Variants in RAB27A observed in about 807,000 individuals in gnomAD.
RAB27A encodes ras-related protein Rab-27A.
Under a neutral mutation model 20.8 loss-of-function variants are expected in RAB27A, and 17 were observed. The ratio of observed to expected loss-of-function variants is 0.82; its 90% CI spans 0.56 to 1.23. The LOEUF (loss-of-function observed/expected upper bound fraction) is 1.23. Ranked by LOEUF, RAB27A falls within the 50% of genes most tolerant of loss-of-function variation. The pLI is 0.00. For missense variants in RAB27A, 277 were observed against 266.7 expected (o/e 1.04, Z -0.27); for synonymous variants, 85 against 92.8 (o/e 0.92, Z 0.48).
At chr15:55,246,541 C>A (rs554790517) in intron 2 of RAB27A, among the ~76,000 whole-genome samples, 1 of 151,280 alleles carries the variant, frequency 6.6e-6, no homozygotes, top group Non-Finnish European at 1.5e-5. Context: ...AGTAAATTCA[C>A]CAAAACACTG....
chr15:55,282,749 A>C (rs892886324), intron 1 of RAB27A, among the ~76,000 whole-genome samples: 5 of 152,072 alleles, frequency 3.3e-5, no homozygotes, highest in Admixed American at 1.3e-4. Context: ...CAGGCACTGA[A>C]GACCAGCCTC....
At chr15:55,243,034 T>C (rs964097012) in intron 2 of RAB27A, among the ~76,000 whole-genome samples, 3 of 152,234 alleles carry the variant, frequency 2.0e-5, no homozygotes, top group Admixed American at 1.3e-4. Flanking sequence ...ATAAAATGCT[T>C]TATAATTAAG....
At chr15:55,228,574 T>C (rs1476838029) in intron 5 of RAB27A, 35 bp downstream of exon 5, 1 of 1,443,158 alleles carries the variant, frequency 6.9e-7, no homozygotes, top group South Asian at 1.1e-5. Context: ...AAGAGGGGAC[T>C]GTGTAGCAGG....
At chr15:55,308,010 G>A (rs1041415351) in intron 2 of RAB27A, among the ~76,000 whole-genome samples, 1 of 152,092 alleles carries the variant, frequency 6.6e-6, no homozygotes, top group East Asian at 1.9e-4. Context: ...ATCCTGAGGG[G>A]AGGAAACTAT....
In RAB27A at chr15:55,318,448, T is replaced by C. The variant is rs1016944617; in HGVS notation, c.-234+483A>G. On this transcript the variant is annotated intron_variant, in intron 1 of 5. Coordinates refer to the RAB27A transcript ENST00000563262. Reference sequence around the variant, plus strand: ...GGCCGCACGCGGTGGCTCACGCCTGTAATCCCAACACTTTGGGAGGCCGAG... The same window carrying C: ...GGCCGCACGCGGTGGCTCACGCCTGCAATCCCAACACTTTGGGAGGCCGAG... Among the ~76,000 whole-genome samples, 36 of 144,698 alleles carry C rather than the reference T, an allele frequency of 2.5e-4. 1 individual carries two copies. The highest frequency in any genetic ancestry group is 8.7e-4 in the African/African-American group (35 of 40,234). The allele number at this position is 144,698 out of a possible 152,430, so 94.9% of individuals were successfully genotyped here. A position where few individuals can be genotyped will look rare whatever the true frequency, so the allele number is the denominator to read the frequency against.
At chr15:55,302,481 C>G (rs2054976594) in intron 2 of RAB27A, among the ~76,000 whole-genome samples, 1 of 152,142 alleles carries the variant, frequency 6.6e-6, no homozygotes, top group Non-Finnish European at 1.5e-5. Context: ...ATGGCAGCCT[C>G]TGCCCGGCCG....
intron 1 of RAB27A, chr15:55,289,424 T>A (rs998185119): frequency 6.6e-6 from 1 of 152,286 alleles, no homozygotes; most frequent in Non-Finnish European, 1.5e-5. Context: ...CCTGGAAAGT[T>A]TCCTACCCCT....
intron 2 of RAB27A, among the ~76,000 whole-genome samples, chr15:55,261,583 A>G (rs1272904252): frequency 6.7e-6 from 1 of 148,956 alleles, no homozygotes; most frequent in African/African-American, 2.5e-5. Context: ...CCAAAAAAAA[A>G]AAAAAAAGTT....
chr15:55,215,115 GC>G (rs780377515), intron 6 of RAB27A, among the ~76,000 whole-genome samples: 34 of 152,190 alleles, frequency 2.2e-4, no homozygotes, highest in Non-Finnish European at 3.5e-4. Flanking sequence ...TGAACAGTAA[GC>G]TTTTTTAAAA....
chr15:55,299,722 A>G (rs951527540), intron 2 of RAB27A, among the ~76,000 whole-genome samples: 9 of 152,214 alleles, frequency 5.9e-5, no homozygotes, highest in Admixed American at 5.2e-4. Flanking sequence ...CCAGAAAAAA[A>G]CAAGTTTATC....
rs191318471 is a variant in RAB27A at position 55,277,409 on chromosome 15, G to A, written c.-142-7125C>T. On this transcript the variant is annotated intron_variant, in intron 1 of 6. Transcript: ENST00000336787. ...TGTAATCCCAGAACTTTGGGAGGCA[G>A]AGGCGGGCAGGTCACTTGAGGCCAG... 2.6e-5 allele frequency among the ~76,000 whole-genome samples: 4 copies of A among 152,306 alleles called. No homozygotes were observed. In the East Asian group the frequency reaches 7.7e-4, roughly 29 times the overall value.
intron 1 of RAB27A, chr15:55,317,442 G>A (rs1318970653): frequency 7.8e-6 from 2 of 257,748 alleles, no homozygotes; most frequent in African/African-American, 2.2e-5. Flanking sequence ...AGCCTCCCAA[G>A]TAGCTGGGAT....
chr15:55,316,681 T>C (rs539474807), intron 1 of RAB27A, among the ~76,000 whole-genome samples: 7 of 152,276 alleles, frequency 4.6e-5, no homozygotes, highest in African/African-American at 1.4e-4. Context: ...TTTAACTATA[T>C]GAATAATAGC....
At chr15:55,261,600 G>T (rs372539152) in intron 2 of RAB27A, among the ~76,000 whole-genome samples, 1 of 146,426 alleles carries the variant, frequency 6.8e-6, no homozygotes, top group Non-Finnish European at 1.5e-5. Flanking sequence ...AGTTAGCTAG[G>T]CTTGGGGGCG....
chr15:55,298,657 C>T (rs551671576), intron 2 of RAB27A, among the ~76,000 whole-genome samples: 29 of 152,166 alleles, frequency 1.9e-4, no homozygotes, highest in African/African-American at 6.5e-4. Context: ...AATTATTAGG[C>T]GGGAGTTTCT....
intron 5 of RAB27A, among the ~76,000 whole-genome samples, chr15:55,224,551 GAAGAA>G (rs1174804614): frequency 6.6e-6 from 1 of 152,166 alleles, no homozygotes; most frequent in Non-Finnish European, 1.5e-5. Context: ...GCTTCAATGA[GAAGAA>G]AAGACCCAGA....
chr15:55,233,336 G>A (rs1199576742), intron 3 of RAB27A, among the ~76,000 whole-genome samples: 5 of 151,810 alleles, frequency 3.3e-5, no homozygotes, highest in Non-Finnish European at 7.4e-5. Context: ...TAAGATAATT[G>A]TAATCCCCAA....
intron 3 of RAB27A, among the ~76,000 whole-genome samples, chr15:55,233,561 T>C (rs990133586): frequency 6.6e-6 from 1 of 152,130 alleles, no homozygotes; most frequent in African/African-American, 2.4e-5. Flanking sequence ...TCAGGCTGAA[T>C]GTAAGAAGCC....
intron 5 of RAB27A, among the ~76,000 whole-genome samples, chr15:55,224,794 G>A (rs911836555): frequency 3.3e-5 from 5 of 152,132 alleles, no homozygotes; most frequent in African/African-American, 9.7e-5. Flanking sequence ...AGGCCTAAAC[G>A]TTCACAGTAA....
Sources: allele counts gnomAD v4.1 joint callset (sites outside exome capture counted in the v4.1 genomes callset), GRCh38; gene constraint gnomAD v4.1.1; transcripts MANE v1.5; gene names NCBI Gene and HGNC (gene_info 2026-07-23, HGNC 2026-07-21).